VIPR2: variants seen among roughly 807,000 people sequenced by gnomAD.
VIPR2 encodes vasoactive intestinal peptide receptor 2, also known as vasoactive intestinal polypeptide receptor 2.
VIPR2 carries 48 observed loss-of-function variants against 58.0 expected under a neutral mutation model. The ratio of observed to expected loss-of-function variants is 0.83; its 90% CI spans 0.66 to 1.05. The LOEUF is 1.05. VIPR2 is among the 50% of genes least tolerant of loss of function. The pLI is 0.00. For synonymous variants in VIPR2, 243 were observed against 235.2 expected, an observed-to-expected ratio of 1.03 and a Z score of -0.30; for missense variants, 534 against 558.0, an observed-to-expected ratio of 0.96 and a Z score of 0.43.
chr7:159,047,250 A>G (rs769747660), intron 5 of VIPR2, among the ~76,000 whole-genome samples: 2 of 152,180 alleles, frequency 1.3e-5, no homozygotes, highest in Admixed American at 6.5e-5. Context: ...GTCTCAAACA[A>G]ACAAACAAAA....
At chr7:159,048,644 A>G (rs1854791042) in intron 5 of VIPR2, among the ~76,000 whole-genome samples, 1 of 152,234 alleles carries the variant, frequency 6.6e-6, no homozygotes, top group Non-Finnish European at 1.5e-5. Flanking sequence ...ACTTTAATGT[A>G]TTATTAATTT....
chr7:159,058,700 C>G, intron 4 of VIPR2, 122 bp from the exon 5 acceptor site: 2 of 715,998 alleles, frequency 2.8e-6, no homozygotes, highest in Non-Finnish European at 4.7e-6. Flanking sequence ...CTGGAAGGCA[C>G]GAGATAGTCT....
intron 4 of VIPR2, among the ~76,000 whole-genome samples, chr7:159,081,277 C>T (rs1330213995): frequency 6.6e-6 from 1 of 152,152 alleles, no homozygotes; most frequent in Admixed American, 6.5e-5. Flanking sequence ...GAGAGATAGA[C>T]CAATGGAACA....
chr7:159,067,688 A>G (rs981256082), intron 4 of VIPR2, among the ~76,000 whole-genome samples: 3 of 152,246 alleles, frequency 2.0e-5, no homozygotes, highest in African/African-American at 7.2e-5. Context: ...GGCCTAAACT[A>G]ACAGCTGCAA....
chr7:159,052,436 ACT>A (rs1855065342), intron 5 of VIPR2, among the ~76,000 whole-genome samples: 1 of 152,148 alleles, frequency 6.6e-6, no homozygotes, highest in Non-Finnish European at 1.5e-5. Context: ...CACAAAAAAA[ACT>A]CTCTGCCCTG....
At chr7:159,109,263 G>A (rs776920567) in intron 3 of VIPR2, among the ~76,000 whole-genome samples, 4 of 152,212 alleles carry the variant, frequency 2.6e-5, no homozygotes, top group African/African-American at 4.8e-5. Flanking sequence ...CACCGCATAC[G>A]GAGCATGCCC....
chr7:159,047,482 G>A (rs1028117316), intron 5 of VIPR2, among the ~76,000 whole-genome samples: 5 of 152,006 alleles, frequency 3.3e-5, no homozygotes, highest in Admixed American at 6.5e-5. Flanking sequence ...CAAAGAATTC[G>A]GTTATATATG....
At chr7:159,036,676 T>A (rs890657160) in intron 7 of VIPR2, 76 bp downstream of exon 7, 1 of 1,504,836 alleles carries the variant, frequency 6.6e-7, no homozygotes, top group Non-Finnish European at 9.0e-7. Flanking sequence ...AAGTGTTTTC[T>A]GAGCTGAAAA....
chr7:159,043,858 C>A (rs1294098169), intron 5 of VIPR2, among the ~76,000 whole-genome samples: 1 of 152,226 alleles, frequency 6.6e-6, no homozygotes, highest in South Asian at 2.1e-4. Flanking sequence ...TCAGGAGACA[C>A]TTGGCAGGGG....
At chr7:159,116,275 G>A (rs1796234849) in intron 2 of VIPR2, among the ~76,000 whole-genome samples, 1 of 152,210 alleles carries the variant, frequency 6.6e-6, no homozygotes, top group Non-Finnish European at 1.5e-5. Context: ...TTGAAGCCAA[G>A]TTTCAGGAGA....
At chr7:159,044,312 TAAAC>T (rs796838360) in intron 5 of VIPR2, among the ~76,000 whole-genome samples, 3 of 152,154 alleles carry the variant, frequency 2.0e-5, no homozygotes, top group African/African-American at 7.2e-5. Context: ...AATCCCTAAA[TAAAC>T]AGCTACAACC....
intron 4 of VIPR2, among the ~76,000 whole-genome samples, chr7:159,085,194 C>T (rs1210977929): frequency 2.0e-5 from 3 of 152,210 alleles, no homozygotes; most frequent in African/African-American, 7.2e-5. Flanking sequence ...CAGCATTTTG[C>T]AATTTACAAA....
chr7:159,036,116 A>C (rs1853938516), intron 7 of VIPR2, 104 bp from the exon 8 acceptor site: 4 of 1,314,082 alleles, frequency 3.0e-6, no homozygotes, highest in Non-Finnish European at 4.1e-6. Context: ...TTCTCACGGG[A>C]ATATTAAGTG....
intron 8 of VIPR2, among the ~76,000 whole-genome samples, chr7:159,035,481 C>T (rs568314252): frequency 1.7e-4 from 26 of 152,354 alleles, no homozygotes; most frequent in African/African-American, 3.6e-4. Context: ...GCTGGAACCA[C>T]GCGTGCTCAT....
At chr7:159,061,801 C>T (rs977964504) in intron 4 of VIPR2, among the ~76,000 whole-genome samples, 2 of 152,230 alleles carry the variant, frequency 1.3e-5, no homozygotes, top group Admixed American at 6.5e-5. Flanking sequence ...GGATCTCACG[C>T]TCAGCGGGAG....
intron 2 of VIPR2, among the ~76,000 whole-genome samples, chr7:159,112,666 T>C (rs1284160895): frequency 6.7e-6 from 1 of 150,100 alleles, no homozygotes; most frequent in Non-Finnish European, 1.5e-5. Context: ...GAGCCCCGAC[T>C]GTGAGGAGGC....
At chr7:159,142,327 C>CTT (rs1797504740) in intron 2 of VIPR2, 119 bp downstream of exon 2, 7 of 725,922 alleles carry the variant, frequency 9.6e-6, no homozygotes, top group Non-Finnish European at 1.6e-5. Flanking sequence ...GGGAAGTGGC[C>CTT]TTTCTTTTTC....
intron 4 of VIPR2, among the ~76,000 whole-genome samples, chr7:159,080,455 A>G (rs1387903017): frequency 6.6e-6 from 1 of 152,230 alleles, no homozygotes; most frequent in East Asian, 1.9e-4. Flanking sequence ...TTAGGTATTG[A>G]TGGGATGTAT....
rs530580683 is a variant in VIPR2, at chr7:159,128,807, C to A, written c.151+13639G>T. ...TCTCAGGAGCCTTCAGTGGTCTCAG[C>A]TCTGCAGGTTGGGCACGCTAACTGC... On this transcript the variant is annotated intron_variant, in intron 2 of 12. Transcript: ENST00000262178. This position sits in a 1 kb window ranked among gnomAD's most constrained non-coding sequence, Gnocchi z 4.1. Among the ~76,000 whole-genome samples the A allele has an allele frequency of 2.6e-5, 4 of 152,350 alleles. No homozygotes were observed. In the East Asian group the frequency reaches 7.7e-4, roughly 29 times the overall value.
Sources: allele counts gnomAD v4.1 joint callset (sites outside exome capture counted in the v4.1 genomes callset), GRCh38; gene constraint gnomAD v4.1.1; non-coding constraint Gnocchi (gnomAD v3.1); transcripts MANE v1.5; gene names NCBI Gene and HGNC (gene_info 2026-07-23, HGNC 2026-07-21).